TGM2: variants seen among roughly 807,000 people sequenced by gnomAD.
TGM2 encodes protein-glutamine gamma-glutamyltransferase 2.
A neutral mutation model predicts 75.6 loss-of-function variants in TGM2; 53 were observed. The observed-to-expected ratio is 0.70, with a 90% CI of 0.56 to 0.88. The LOEUF is 0.88. TGM2 is among the 40% of genes least tolerant of loss of function. The probability of loss-of-function intolerance (pLI) is 0.00; values close to 1 mark genes in which losing one functional copy is unlikely to be tolerated. For missense variants in TGM2, 842 were observed against 928.5 expected, an observed-to-expected ratio of 0.91 and a Z score of 1.21; for synonymous variants, 374 against 381.1, an observed-to-expected ratio of 0.98 and a Z score of 0.22.
At chr20:38,166,472 C>G (rs1467895519), upstream of TGM2, 2 of 152,278 alleles carry the variant, frequency 1.3e-5, no homozygotes, top group African/African-American at 2.4e-5. Flanking sequence ...CCTGGTATCT[C>G]TGGTCTCTTG....
intron 10 of TGM2, among the ~76,000 whole-genome samples, chr20:38,134,436 G>A (rs868080246): frequency 4.6e-5 from 7 of 152,324 alleles, no homozygotes; most frequent in Middle Eastern, 6.8e-3. Context: ...ATTATCCTCC[G>A]GGGGCTTGGA....
At position 38,151,068 on chromosome 20, in the gene TGM2, G is replaced by A. The variant is rs757397103; in HGVS notation, c.434-11C>T. 63 of 1,604,816 alleles carry A rather than the reference G, an allele frequency of 3.9e-5. No homozygotes were observed. Among genetic ancestry groups the A allele is most frequent in the Middle Eastern group, 3.3e-4 (2 of 6,072 alleles). On this transcript the variant is annotated splice_polypyrimidine_tract_variant and intron_variant, in intron 3 of 12. Coordinates refer to ENST00000361475, the MANE Select transcript of TGM2 (RefSeq NM_004613.4). ...GGTACACAGCATCCGCTGCAGGCAG[G>A]AAGAAAGGGACCTCAGCTCTGGGTC...
At chr20:38,155,816 C>G (rs777247633) in intron 3 of TGM2, 31 bp downstream of exon 3, 2 of 1,584,178 alleles carry the variant, frequency 1.3e-6, no homozygotes, top group South Asian at 2.3e-5. Flanking sequence ...CTGCCCACCC[C>G]AACGCTGTGA....
At chr20:38,137,054 G>A (rs1037371330) in intron 10 of TGM2, among the ~76,000 whole-genome samples, 2 of 152,172 alleles carry the variant, frequency 1.3e-5, no homozygotes, top group African/African-American at 4.8e-5. Flanking sequence ...GGACACTGGA[G>A]AGGGACAATC....
chr20:38,127,423 G>T lies in TGM2; in HGVS notation c.*2796C>A. The stretch of plus-strand genomic sequence containing the variant: ...TTTTATTTTGATTTATTTTTTATGT[G>T]CATGTCATGTCTTTCTACATGACTT... On this transcript the variant is annotated 3_prime_UTR_variant, in exon 13 of 13. Transcript: ENST00000361475. The T allele has an allele frequency of 1.2e-5, 12 of 963,070 alleles. No homozygotes were observed. The highest frequency in any genetic ancestry group is 1.5e-5 in the Non-Finnish European group (12 of 809,546). The allele number at this position is 963,070 out of a possible 1,614,324, so 59.7% of individuals were successfully genotyped here.
Position 38,139,508 on chromosome 20 carries a change from T to C in TGM2, c.1246A>G (p.Ile416Val). 6.2e-7 allele frequency: 1 copy of C among 1,614,194 alleles called. No homozygotes were observed. The highest frequency in any genetic ancestry group is 8.5e-7 in the Non-Finnish European group (1 of 1,180,030). Residue 416 changes from isoleucine to valine, a missense_variant, in exon 9 of 13, where the codon ATC becomes GTC. Ile to Val is a conservative substitution (Grantham distance 29). Coordinates refer to ENST00000361475, the MANE Select transcript of TGM2 (RefSeq NM_004613.4). ...AGCCCAACGATCAGGGAACGGTTGA[T>C]GGATTTGTGCACAGACCCATCGTCC... ...QQDDGSVHKS[I>V]NRSLIVGLKI... is the part of the protein sequence containing the mutation.
At chr20:38,141,439 C>T in intron 7 of TGM2, 54 bp from the exon 8 acceptor site, 2 of 1,325,246 alleles carry the variant, frequency 1.5e-6, no homozygotes, top group South Asian at 1.3e-5. Flanking sequence ...CATTCATCGC[C>T]ACCTCCCACG....
chr20:38,165,358 C>A (rs1460299542), upstream of TGM2: 2 of 1,024,030 alleles, frequency 2.0e-6, no homozygotes, highest in African/African-American at 1.6e-5. Context: ...CCTGGGAGGC[C>A]ACCCATTGCC....
At chr20:38,156,171 G>T in intron 2 of TGM2, 82 bp from the exon 3 acceptor site, 2 of 1,528,752 alleles carry the variant, frequency 1.3e-6, no homozygotes, top group African/African-American at 1.4e-5. Flanking sequence ...CCCCCAGCTT[G>T]GGCTCCAGGC....
At position 38,142,100 on chromosome 20, in the gene TGM2, A is replaced by C; in HGVS notation, c.959T>G (p.Phe320Cys). 2 of 1,614,024 alleles carry C rather than the reference A, an allele frequency of 1.2e-6. No individual in the cohort carries two copies. Among genetic ancestry groups the C allele is most frequent in the South Asian group, 1.1e-5 (1 of 91,074 alleles). ...NLLIEYFRNE[F>C]GEIQGDKSEM... ...GCTCTTGTCACCCTGGATCTCCCCA[A>C]ACTCATTGCGGAAGTACTCGATGAG... The change falls in exon 7 of 13, where the codon TTT (phenylalanine) becomes TGT (cysteine). Residue 320 changes from phenylalanine (F) to cysteine (C), a missense_variant. By Grantham distance (205) the Phe-to-Cys change is radical. Coordinates refer to ENST00000361475, the MANE Select transcript of TGM2 (RefSeq NM_004613.4).
intron 10 of TGM2, 57 bp from the exon 11 acceptor site, chr20:38,132,557 C>T: frequency 6.2e-7 from 1 of 1,606,276 alleles, no homozygotes; most frequent in Non-Finnish European, 8.5e-7. Context: ...TCCCAACTCT[C>T]TTGCAACTCC....
chr20:38,137,143 A>G (rs1234631524), intron 10 of TGM2, among the ~76,000 whole-genome samples: 1 of 152,188 alleles, frequency 6.6e-6, no homozygotes, highest in African/African-American at 2.4e-5. Flanking sequence ...TCTGCCCAAC[A>G]TAGCAGCTTC....
chr20:38,161,314 G>A (rs981383026), intron 2 of TGM2, 106 bp downstream of exon 2: 172 of 1,438,482 alleles, frequency 1.2e-4, no homozygotes, highest in Non-Finnish European at 1.4e-5. Flanking sequence ...GAACAAAGAA[G>A]GTAAAGTTAT....
intron 10 of TGM2, 140 bp downstream of exon 10, chr20:38,137,973 T>C: frequency 6.9e-7 from 1 of 1,449,568 alleles, no homozygotes; most frequent in African/African-American, 1.4e-5. Flanking sequence ...ATTTATAAAG[T>C]GCTTAGGACA....
rs778785521 is a variant in TGM2 at position 38,138,389 on chromosome 20, T to C, written c.1343-4A>G. 3 of 1,613,672 alleles carry C rather than the reference T, an allele frequency of 1.9e-6. No homozygotes were observed. Among genetic ancestry groups the C allele is most frequent in the Admixed American group, 1.7e-5 (1 of 60,002 alleles). The stretch of plus-strand genomic sequence containing the variant: ...GCCTCCCTCTCCTCTGAGGACCCTG[T>C]AGGGGTTGAGAAGAGAGCCTCAATC... On this transcript the variant is annotated splice_polypyrimidine_tract_variant and splice_region_variant and intron_variant, in intron 9 of 12. Coordinates refer to ENST00000361475, the MANE Select transcript of TGM2 (RefSeq NM_004613.4).
intron 10 of TGM2, chr20:38,133,445 G>A (rs1312304829): frequency 1.3e-5 from 2 of 154,006 alleles, no homozygotes; most frequent in Admixed American, 1.3e-4. Context: ...CAGTGATATG[G>A]GGATGAGAAA....
intron 11 of TGM2, 81 bp downstream of exon 11, chr20:38,132,259 T>TG (rs762212719): frequency 8.6e-6 from 13 of 1,512,192 alleles, no homozygotes; most frequent in Non-Finnish European, 1.2e-5. Context: ...GATGCAGGTG[T>TG]GTGGGGTGGG....
intron 2 of TGM2, among the ~76,000 whole-genome samples, chr20:38,157,464 A>G (rs2075201996): frequency 6.6e-6 from 1 of 152,220 alleles, no homozygotes; most frequent in African/African-American, 2.4e-5. Flanking sequence ...CCTGGGCCAC[A>G]TCACCAGGCC....
At chr20:38,155,258 A>G (rs1467858556) in intron 3 of TGM2, among the ~76,000 whole-genome samples, 1 of 152,224 alleles carries the variant, frequency 6.6e-6, no homozygotes, top group Non-Finnish European at 1.5e-5. Flanking sequence ...CCCAGTTCAT[A>G]GTGGTCTGGG....
Sources: allele counts gnomAD v4.1 joint callset (sites outside exome capture counted in the v4.1 genomes callset), GRCh38; gene constraint gnomAD v4.1.1; transcripts MANE v1.5; gene names NCBI Gene and HGNC (gene_info 2026-07-23, HGNC 2026-07-21).